Variants in STARD13 observed in about 807,000 individuals in gnomAD.
STARD13 encodes stAR-related lipid transfer protein 13.
STARD13 carries 62 observed loss-of-function variants against 106.4 expected under a neutral mutation model. The observed-to-expected ratio is 0.58, with a 90% CI of 0.48 to 0.72. The LOEUF (loss-of-function observed/expected upper bound fraction) is 0.72, where lower values mean the gene tolerates loss of function less well. Among genes scored for constraint, STARD13 ranks in the 30% least tolerant of loss-of-function variants. The pLI, the probability that STARD13 is intolerant of heterozygous loss-of-function variation, is 0.00. For missense variants in STARD13, 1,387 were observed against 1,424.0 expected (o/e 0.97, Z 0.42); for synonymous variants, 565 against 553.0 (o/e 1.02, Z -0.31).
chr13:33,606,433 A>G, the STARD13 span, among the ~76,000 whole-genome samples: 1 of 152,124 alleles, frequency 6.6e-6, no homozygotes, highest in Non-Finnish European at 1.5e-5. Context: ...TATTAGCTTT[A>G]TTTTCACTAT....
chr13:33,135,336 A>C (rs1306483313), intron 4 of STARD13, among the ~76,000 whole-genome samples: 2 of 152,240 alleles, frequency 1.3e-5, no homozygotes, highest in Non-Finnish European at 2.9e-5. Flanking sequence ...GCTCACAATC[A>C]GTGGATTTGT....
upstream of STARD13, among the ~76,000 whole-genome samples, chr13:33,286,442 A>G (rs1362736863): frequency 6.6e-6 from 1 of 152,180 alleles, no homozygotes; most frequent in East Asian, 1.9e-4. Flanking sequence ...TTAATCACCT[A>G]GAGGTAAAAT....
At chr13:33,636,324 C>A in the STARD13 span, among the ~76,000 whole-genome samples, 1 of 152,100 alleles carries the variant, frequency 6.6e-6, no homozygotes, top group African/African-American at 2.4e-5. Context: ...TGTCCCTGCT[C>A]TCCTAGAAAG....
intron 1 of STARD13, among the ~76,000 whole-genome samples, chr13:33,248,007 A>T (rs1319321524): frequency 2.6e-5 from 4 of 152,246 alleles, no homozygotes; most frequent in Non-Finnish European, 5.9e-5. Flanking sequence ...TGAAGACTCA[A>T]TGAGGCTAAA....
chr13:33,658,271 G>T, the STARD13 span: 3 of 152,596 alleles, frequency 2.0e-5, no homozygotes, highest in East Asian at 5.8e-4. Flanking sequence ...AGAGCAGTCC[G>T]TTGTATGTAC....
chr13:33,222,147 CA>C (rs548408526), intron 1 of STARD13, among the ~76,000 whole-genome samples: 23 of 144,908 alleles, frequency 1.6e-4, no homozygotes, highest in South Asian at 6.6e-4. Flanking sequence ...GACTCCATCT[CA>C]AAAAAAAAAG....
At chr13:33,243,619 C>G (rs1338561457) in intron 1 of STARD13, among the ~76,000 whole-genome samples, 1 of 152,168 alleles carries the variant, frequency 6.6e-6, no homozygotes, top group Non-Finnish European at 1.5e-5. Flanking sequence ...ATCCGTGTGG[C>G]TGAGACACTT....
At chr13:33,636,139 C>CAA in the STARD13 span, among the ~76,000 whole-genome samples, 168 of 46,364 alleles carry the variant, frequency 3.6e-3, no homozygotes, top group Middle Eastern at 0.011. Context: ...GACTCTGTCT[C>CAA]AAAAAAAAAA....
At chr13:33,487,736 GC>G in the STARD13 span, among the ~76,000 whole-genome samples, 1 of 152,068 alleles carries the variant, frequency 6.6e-6, no homozygotes, top group African/African-American at 2.4e-5. Flanking sequence ...TGCTTGCCTT[GC>G]CCTCCAAAGC....
At chr13:33,648,931 T>G in the STARD13 span, among the ~76,000 whole-genome samples, 1 of 151,888 alleles carries the variant, frequency 6.6e-6, no homozygotes, top group Non-Finnish European at 1.5e-5. Context: ...TAGCTGGGAT[T>G]ACAGGCATGC....
the STARD13 span, among the ~76,000 whole-genome samples, chr13:33,482,617 A>T: frequency 6.6e-6 from 1 of 152,244 alleles, no homozygotes; most frequent in African/African-American, 2.4e-5. Context: ...ATAATTGATT[A>T]GAATTTTAAA....
At chr13:33,106,977 GGAA>G in intron 12 of STARD13, 43 bp from the exon 13 acceptor site, 1 of 1,568,364 alleles carries the variant, frequency 6.4e-7, no homozygotes. Context: ...GACTGAGGGA[GGAA>G]GAAGAACCTG....
At chr13:33,468,727 C>T in the STARD13 span, among the ~76,000 whole-genome samples, 2 of 152,176 alleles carry the variant, frequency 1.3e-5, no homozygotes, top group African/African-American at 2.4e-5. Context: ...AATTTCTATT[C>T]ATTATAAGTT....
intron 1 of STARD13, among the ~76,000 whole-genome samples, chr13:33,244,730 C>T (rs960465640): frequency 4.6e-5 from 7 of 152,128 alleles, no homozygotes; most frequent in East Asian, 1.9e-4. Flanking sequence ...AAACCAACCA[C>T]GAGGCATCTG....
At chr13:33,142,511 A>C in intron 3 of STARD13, 138 bp from the exon 4 acceptor site, 1 of 735,752 alleles carries the variant, frequency 1.4e-6, no homozygotes, top group South Asian at 1.6e-5. Context: ...CTGCACCCAC[A>C]GAAGGTATGC....
chr13:33,309,140 C>T (rs1028479609), intron 1 of STARD13, among the ~76,000 whole-genome samples: 5 of 152,168 alleles, frequency 3.3e-5, no homozygotes, highest in African/African-American at 1.2e-4. Flanking sequence ...CACTAAATTC[C>T]AATAACTCAA....
chr13:33,478,283 G>A, the STARD13 span, among the ~76,000 whole-genome samples: 4 of 152,106 alleles, frequency 2.6e-5, no homozygotes, highest in Non-Finnish European at 4.4e-5. Context: ...AATCCTTGGT[G>A]TTTCAGTAAC....
chr13:33,484,263 A>C, the STARD13 span, among the ~76,000 whole-genome samples: 1 of 152,212 alleles, frequency 6.6e-6, no homozygotes, highest in South Asian at 2.1e-4. Flanking sequence ...AAACATGGTC[A>C]CAGGTTAGAA....
At chr13:33,387,787 C>T in the STARD13 span, among the ~76,000 whole-genome samples, 5 of 152,314 alleles carry the variant, frequency 3.3e-5, no homozygotes, top group African/African-American at 1.2e-4. Context: ...CCTCTATCCC[C>T]TGTATAGCCT....
Sources: gnomAD v4.1 joint callset for allele counts (sites outside exome capture counted in the v4.1 genomes callset) on GRCh38, gnomAD v4.1.1 for gene constraint, MANE v1.5 for transcripts, NCBI Gene and HGNC (gene_info 2026-07-23, HGNC 2026-07-21) for gene names.